Variants in INSR observed in about 807,000 individuals in gnomAD.
INSR encodes IR.
In INSR, 67 loss-of-function variants were observed where a neutral mutation model predicts 142.6. That is an observed-to-expected ratio of 0.47 (90% CI 0.39 to 0.58). The LOEUF is 0.58. Ranked by LOEUF, INSR falls within the 20% of genes least tolerant of loss-of-function variation. The pLI, the probability that INSR is intolerant of heterozygous loss-of-function variation, is 0.00. For synonymous variants in INSR, 756 were observed against 743.1 expected (o/e 1.02, Z -0.28); for missense variants, 1,248 against 1,833.2 (o/e 0.68, Z 5.83).
Position 7,125,633 on chromosome 19 carries a change from T to G in INSR, c.3014-106A>C. 6.8e-7 allele frequency: 1 copy of G among 1,462,348 alleles called. No homozygotes were observed. The highest frequency in any genetic ancestry group is 1.7e-5 in the Admixed American group (1 of 57,256). The allele number at this position is 1,462,348 out of a possible 1,614,324, so 90.6% of individuals were successfully genotyped here. A position where few individuals can be genotyped will look rare whatever the true frequency, so the allele number is the denominator to read the frequency against. On this transcript the variant is annotated intron_variant, in intron 16 of 21. Coordinates refer to ENST00000302850, the MANE Select transcript of INSR (RefSeq NM_000208.4). The surrounding 1 kb of genome is among the most constrained non-coding windows in gnomAD (Gnocchi z 4.9). ...AACCCCCTCGAAAACACTCATGAAA[T>G]GAGTTCTGTGATCCAGGACCCATGC...
At position 7,273,502 on chromosome 19, in the gene INSR, ATTTTCTT is replaced by A. The variant is rs566358284; in HGVS notation, c.101-5613_101-5607del. ...AAGAGGGTGCTAAGTGACAGCTAAT[ATTTTCTT>A]TTTTCTTTTTTTTTTTTTCTTTAAT... On this transcript the variant is annotated intron_variant, in intron 1 of 21. Coordinates refer to ENST00000302850, the MANE Select transcript of INSR (RefSeq NM_000208.4). Among the ~76,000 whole-genome samples, 458 of 149,386 alleles carry A rather than the reference ATTTTCTT, an allele frequency of 3.1e-3. 2 individuals are homozygous for A. The highest frequency in any genetic ancestry group is 5.0e-3 in the Non-Finnish European group (338 of 67,374).
intron 2 of INSR, among the ~76,000 whole-genome samples, chr19:7,244,659 T>C (rs1976474838): frequency 6.6e-6 from 1 of 152,232 alleles, no homozygotes; most frequent in Admixed American, 6.5e-5. Flanking sequence ...GTCCCAAGAA[T>C]AATCTATTCT....
intron 2 of INSR, among the ~76,000 whole-genome samples, chr19:7,198,257 T>TGGCCCCGCCCCCCGGGTGCGCCG (rs1974846523): frequency 6.6e-6 from 1 of 151,166 alleles, no homozygotes; most frequent in Admixed American, 6.6e-5. Flanking sequence ...GCAGGGGCGC[T>TGGCCCCGCCCCCCGGGTGCGCCG]GGCCCCGCCC....
chr19:7,176,772 T>A (rs1047411032), intron 3 of INSR, among the ~76,000 whole-genome samples: 1 of 152,148 alleles, frequency 6.6e-6, no homozygotes, highest in Non-Finnish European at 1.5e-5. Flanking sequence ...GTCAGCCAAT[T>A]AAACCTCTTT....
At chr19:7,197,375 G>A (rs766166623) in intron 2 of INSR, among the ~76,000 whole-genome samples, 4 of 152,234 alleles carry the variant, frequency 2.6e-5, no homozygotes, top group Non-Finnish European at 4.4e-5. Flanking sequence ...GAGTGAGTCC[G>A]TCCACGGGGG....
At chr19:7,276,089 A>C (rs1968055620) in intron 1 of INSR, among the ~76,000 whole-genome samples, 1 of 152,126 alleles carries the variant, frequency 6.6e-6, no homozygotes, top group Non-Finnish European at 1.5e-5. Flanking sequence ...GAAATCCTTT[A>C]CAATGCTAAG....
At chr19:7,245,772 G>A (rs1976523154) in intron 2 of INSR, among the ~76,000 whole-genome samples, 1 of 152,036 alleles carries the variant, frequency 6.6e-6, no homozygotes, top group South Asian at 2.1e-4. Context: ...AAAACAAAAC[G>A]ACAACAAAAA....
At chr19:7,210,441 G>T (rs1228594711) in intron 2 of INSR, among the ~76,000 whole-genome samples, 1 of 151,440 alleles carries the variant, frequency 6.6e-6, no homozygotes, top group Admixed American at 6.6e-5. Flanking sequence ...TTAGGAAATT[G>T]ACAAAAACCT....
At chr19:7,138,891 A>G (rs897797655) in intron 13 of INSR, among the ~76,000 whole-genome samples, 2 of 152,144 alleles carry the variant, frequency 1.3e-5, no homozygotes, top group African/African-American at 4.8e-5. Context: ...AAACTTTGCA[A>G]TTATGGCCCC....
In INSR at chr19:7,183,420, C is replaced by T. The variant is rs192010024; in HGVS notation, c.974+896G>A. On this transcript the variant is annotated intron_variant, in intron 3 of 21. Transcript: ENST00000302850. ...GTACGAACAGAAAGTCTGCGATGTG[C>T]GTAGGAAATCTGACTCTGTCGAAGA... 3.2e-4 allele frequency among the ~76,000 whole-genome samples: 49 copies of T among 152,132 alleles called. 1 individual carries two copies. Among genetic ancestry groups the T allele is most frequent in the African/African-American group, 2.9e-4 (12 of 41,500 alleles).
chr19:7,124,169 CTGGCCAGCA>C (rs1442563536), intron 17 of INSR, among the ~76,000 whole-genome samples: 1 of 151,996 alleles, frequency 6.6e-6, no homozygotes, highest in Non-Finnish European at 1.5e-5. Flanking sequence ...CAAGACCAGC[CTGGCCAGCA>C]TGGTGAAACC....
Position 7,125,392 on chromosome 19 carries a change from G to A in INSR, c.3149C>T (p.Ala1050Val). The A allele has an allele frequency of 1.2e-6, 2 of 1,614,122 alleles. No homozygotes were observed. The highest frequency in any genetic ancestry group is 1.7e-6 in the Non-Finnish European group (2 of 1,180,018). The change falls in exon 17 of 22, where the codon GCA becomes GTA. Residue 1050 changes from alanine to valine, a missense_variant. Coordinates refer to ENST00000302850, the MANE Select transcript of INSR (RefSeq NM_000208.4). The surrounding 1 kb of genome is among the most constrained non-coding windows in gnomAD (Gnocchi z 4.9). ...CGTCTTCACCGCCACGCGGGTCTCT[G>A]CCTCACCCTTGATGATGTCCCTGGC... ...GNARDIIKGE[A>V]ETRVAVKTVN... is the part of the protein sequence containing the mutation.
intron 2 of INSR, among the ~76,000 whole-genome samples, chr19:7,207,141 C>T (rs1428083471): frequency 1.3e-5 from 2 of 152,086 alleles, no homozygotes; most frequent in Non-Finnish European, 2.9e-5. Flanking sequence ...CGTGGCCAGG[C>T]ACGGTGGTTC....
At chr19:7,200,859 CAAAAAAAAAAAA>C (rs59770137) in intron 2 of INSR, among the ~76,000 whole-genome samples, 3 of 76,312 alleles carry the variant, frequency 3.9e-5, no homozygotes, top group Admixed American at 1.5e-4. Context: ...GACCTTATCT[CAAAAAAAAAAAA>C]AAAAAAAAAA....
intron 2 of INSR, among the ~76,000 whole-genome samples, chr19:7,231,359 G>A (rs1975972956): frequency 6.8e-6 from 1 of 147,936 alleles, no homozygotes; most frequent in Non-Finnish European, 1.5e-5. Flanking sequence ...CTAGTGCGGT[G>A]GTGTGATCTC....
At position 7,274,036 on chromosome 19, in the gene INSR, TA is replaced by T. The variant is rs199975654; in HGVS notation, c.101-6141del. On this transcript the variant is annotated intron_variant, in intron 1 of 21. Coordinates refer to ENST00000302850, the MANE Select transcript of INSR (RefSeq NM_000208.4). ...AATAATTCCCACATATAATCAATCC[TA>T]AAAAAAAAATGATTAATGAGATAGT... Among the ~76,000 whole-genome samples, 46 of 148,112 alleles carry T rather than the reference TA, an allele frequency of 3.1e-4. No homozygotes were observed. In the South Asian group the frequency reaches 3.4e-3, roughly 11 times the overall value.
chr19:7,215,328 A>G (rs1279257049), intron 2 of INSR, among the ~76,000 whole-genome samples: 1 of 151,962 alleles, frequency 6.6e-6, no homozygotes, highest in Non-Finnish European at 1.5e-5. Flanking sequence ...CCCTTGTGTC[A>G]CTGTCTATAT....
rs13306446 is a variant in INSR at position 7,129,053 on chromosome 19, G to T, written c.2843-99C>A. ...ACTCCTGGAATGGGTGGGCCACCCT[G>T]TTCCTTCCCTCCCTTGTCCATAAAC... On this transcript the variant is annotated intron_variant, in intron 14 of 21. Coordinates refer to ENST00000302850, the MANE Select transcript of INSR (RefSeq NM_000208.4). 0.12 allele frequency: 108,078 copies of T among 871,616 alleles called. 7,525 individuals are homozygous for T. Among genetic ancestry groups the T allele is most frequent in the South Asian group, 0.22 (16,349 of 73,172 alleles). 54.0% of individuals were successfully genotyped at this position (871,616 alleles called of 1,614,324 possible).
At chr19:7,265,162 T>C (rs995923699) in intron 2 of INSR, among the ~76,000 whole-genome samples, 1 of 152,170 alleles carries the variant, frequency 6.6e-6, no homozygotes. Flanking sequence ...AAACAAGTAA[T>C]GTGTGAATGT....
Sources: allele counts gnomAD v4.1 joint callset (sites outside exome capture counted in the v4.1 genomes callset), GRCh38; gene constraint gnomAD v4.1.1; non-coding constraint Gnocchi (gnomAD v3.1); transcripts MANE v1.5; gene names NCBI Gene and HGNC (gene_info 2026-07-23, HGNC 2026-07-21).